The following ARCN1 variants were observed in gnomAD, a reference collection of about 807,000 sequenced individuals.
The protein encoded by ARCN1 is coatomer subunit delta.
In ARCN1, 5 loss-of-function variants were observed where a neutral mutation model predicts 60.4. That is an observed-to-expected ratio of 0.08 (90% CI 0.04 to 0.17). The LOEUF (loss-of-function observed/expected upper bound fraction) is 0.17, where lower values mean the gene tolerates loss of function less well. Ranked by LOEUF, ARCN1 falls within the 10% of genes least tolerant of loss-of-function variation. The pLI, the probability that ARCN1 is intolerant of heterozygous loss-of-function variation, is 1.00. For missense variants in ARCN1, 464 were observed against 626.5 expected (o/e 0.74, Z 2.77); for synonymous variants, 224 against 220.0 (o/e 1.02, Z -0.16).
At chr11:118,583,723 C>G (rs1938711355) in intron 3 of ARCN1, 86 bp from the exon 4 acceptor site, 2 of 1,378,398 alleles carry the variant, frequency 1.5e-6, no homozygotes, top group Admixed American at 2.1e-5. Context: ...GTGCCACTTG[C>G]ACTCCAGCCT....
intron 8 of ARCN1, chr11:118,593,933 C>T (rs1280862902): frequency 5.1e-5 from 18 of 353,900 alleles, no homozygotes; most frequent in Non-Finnish European, 3.2e-5. Flanking sequence ...GAAGGTACTT[C>T]ACTTCAGAGG....
intron 6 of ARCN1, among the ~76,000 whole-genome samples, chr11:118,591,823 C>G (rs782533025): frequency 2.6e-5 from 4 of 151,816 alleles, no homozygotes; most frequent in Non-Finnish European, 5.9e-5. Flanking sequence ...CAGCCTTAAC[C>G]TCCTAGGCTC....
intron 8 of ARCN1, among the ~76,000 whole-genome samples, chr11:118,596,719 A>C (rs1939033971): frequency 6.6e-6 from 1 of 152,220 alleles, no homozygotes; most frequent in Non-Finnish European, 1.5e-5. Context: ...GTAGGGGTGC[A>C]GAGTAAATCT....
At chr11:118,594,741 G>T (rs1379481669) in intron 8 of ARCN1, among the ~76,000 whole-genome samples, 1 of 150,812 alleles carries the variant, frequency 6.6e-6, no homozygotes, top group Non-Finnish European at 1.5e-5. Context: ...GTAGAGACGG[G>T]GTTTCACCAT....
chr11:118,578,622 G>A (rs1375349529), intron 1 of ARCN1, among the ~76,000 whole-genome samples: 3 of 152,134 alleles, frequency 2.0e-5, no homozygotes, highest in Non-Finnish European at 4.4e-5. Context: ...CGCATGAGGG[G>A]ATTTTCTATG....
At chr11:118,580,224 C>T (rs185974437) in intron 1 of ARCN1, among the ~76,000 whole-genome samples, 26 of 152,244 alleles carry the variant, frequency 1.7e-4, no homozygotes, top group Admixed American at 1.2e-3. Flanking sequence ...TTTCAGGGGG[C>T]TGAGGCAGGA....
intron 1 of ARCN1, 22 bp downstream of exon 1, chr11:118,572,572 G>A (rs1488930501): frequency 1.2e-6 from 2 of 1,604,208 alleles, no homozygotes. Flanking sequence ...GCCAGGACCC[G>A]AACTCCTGGG....
chr11:118,585,111 C>G (rs782288645), intron 5 of ARCN1, among the ~76,000 whole-genome samples: 3 of 152,104 alleles, frequency 2.0e-5, no homozygotes, highest in Non-Finnish European at 4.4e-5. Context: ...CAGGCGTGAG[C>G]CACCACGCCC....
chr11:118,576,956 G>A (rs782658322), intron 1 of ARCN1, among the ~76,000 whole-genome samples: 73 of 152,216 alleles, frequency 4.8e-4, no homozygotes, highest in Non-Finnish European at 8.8e-4. Flanking sequence ...AGGCTCAGGC[G>A]GGCAGATCAC....
intron 3 of ARCN1, 150 bp downstream of exon 3, chr11:118,583,508 C>T: frequency 9.8e-7 from 1 of 1,015,998 alleles, no homozygotes. Context: ...AATCTCAGCA[C>T]TTTGGGAGGC....
Position 118,584,582 on chromosome 11 carries a change from T to C in ARCN1, c.756T>C (p.Ser252=). Residue 252 remains serine (S), a synonymous_variant, in exon 5 of 10, where the codon TCT becomes TCC. Coordinates refer to ENST00000264028, the MANE Select transcript of ARCN1 (RefSeq NM_001655.5). ...CTGAAGGTGAAACCATCATGTCCTC[T>C]AGTATGGGCAAGCGTACTTCTGAAG... ...LKSEGETIMS[S]SMGKRTSEAT... 1 of 1,613,898 alleles carries C rather than the reference T, an allele frequency of 6.2e-7. No homozygotes were observed. Among genetic ancestry groups the C allele is most frequent in the South Asian group, 1.1e-5 (1 of 91,010 alleles).
At chr11:118,585,122 G>A (rs1012842430) in intron 5 of ARCN1, among the ~76,000 whole-genome samples, 3 of 151,872 alleles carry the variant, frequency 2.0e-5, no homozygotes, top group Non-Finnish European at 2.9e-5. Context: ...CACCACGCCC[G>A]GCTGTTGTTT....
intron 7 of ARCN1, among the ~76,000 whole-genome samples, chr11:118,593,334 T>TCTC (rs1938953275): frequency 6.6e-6 from 1 of 151,382 alleles, no homozygotes; most frequent in Non-Finnish European, 1.5e-5. Context: ...GTTCAGCTGA[T>TCTC]CTCCCACCTC....
At position 118,574,193 on chromosome 11, in the gene ARCN1, T is replaced by C. The variant is rs921658598; in HGVS notation, c.3+1643T>C. Among the ~76,000 whole-genome samples, 15 of 152,188 alleles carry C rather than the reference T, an allele frequency of 9.9e-5. 2 individuals carry two copies. The highest frequency in any genetic ancestry group is 7.2e-4 in the Admixed American group (11 of 15,264). On this transcript the variant is annotated intron_variant, in intron 1 of 9. Coordinates refer to ENST00000264028, the MANE Select transcript of ARCN1 (RefSeq NM_001655.5). ...CTGAATTATTTGGGACTTAACATGATCCAGATACCCACAGATTTGTGTACT... is the reference window on the plus strand; with the variant it reads ...CTGAATTATTTGGGACTTAACATGACCCAGATACCCACAGATTTGTGTACT...
intron 8 of ARCN1, among the ~76,000 whole-genome samples, chr11:118,594,944 G>A (rs782304281): frequency 5.3e-5 from 8 of 152,196 alleles, no homozygotes; most frequent in Admixed American, 1.3e-4. Context: ...CCACCTCCCA[G>A]GTTCAAGCGA....
intron 2 of ARCN1, among the ~76,000 whole-genome samples, chr11:118,581,939 C>T (rs1295570488): frequency 6.8e-6 from 1 of 146,464 alleles, no homozygotes; most frequent in Non-Finnish European, 1.5e-5. Context: ...GACAGACAGA[C>T]ACACACACAC....
At chr11:118,578,879 T>C (rs1555074174) in intron 1 of ARCN1, among the ~76,000 whole-genome samples, 8 of 39,106 alleles carry the variant, frequency 2.0e-4, no homozygotes, top group Admixed American at 6.9e-4. Context: ...TCTCTCTTTT[T>C]TTTTTTTTTT....
chr11:118,585,951 A>G (rs1457174287), intron 5 of ARCN1, among the ~76,000 whole-genome samples: 3 of 152,240 alleles, frequency 2.0e-5, no homozygotes, highest in African/African-American at 7.2e-5. Flanking sequence ...TCAAGTTCAC[A>G]TATTCGTGAC....
At chr11:118,581,937 G>GACAGACAGACAGACACAC (rs1555074708) in intron 2 of ARCN1, among the ~76,000 whole-genome samples, 1 of 140,704 alleles carries the variant, frequency 7.1e-6, no homozygotes, top group African/African-American at 2.6e-5. Flanking sequence ...CAGACAGACA[G>GACAGACAGACAGACACAC]ACACACACAC....
Sources: gnomAD v4.1 joint callset for allele counts (sites outside exome capture counted in the v4.1 genomes callset) on GRCh38, gnomAD v4.1.1 for gene constraint, MANE v1.5 for transcripts, NCBI Gene and HGNC (gene_info 2026-07-23, HGNC 2026-07-21) for gene names.